Variants in GRIK3 observed in about 807,000 individuals in gnomAD.
The protein encoded by GRIK3 is glutamate receptor ionotropic, kainate 3.
Under a neutral mutation model 102.5 loss-of-function variants are expected in GRIK3, and 29 were observed. The observed-to-expected ratio is 0.28, with a 90% confidence interval of 0.21 to 0.39. The LOEUF is 0.39. GRIK3 is among the 10% of genes least tolerant of loss of function. The probability of loss-of-function intolerance (pLI) is 1.00; values close to 1 mark genes in which losing one functional copy is unlikely to be tolerated. For missense variants in GRIK3, 908 were observed against 1,252.4 expected, an observed-to-expected ratio of 0.73 and a Z score of 4.15; for synonymous variants, 511 against 504.9, an observed-to-expected ratio of 1.01 and a Z score of -0.16.
At chr1:36,995,534 G>A (rs893928457) in intron 1 of GRIK3, among the ~76,000 whole-genome samples, 1 of 152,216 alleles carries the variant, frequency 6.6e-6, no homozygotes, top group Non-Finnish European at 1.5e-5. Context: ...CCTGGGGAAT[G>A]ATGTCTTCCA....
At chr1:36,804,809 G>GA in intron 15 of GRIK3, 178 bp downstream of exon 15, 2 of 783,830 alleles carry the variant, frequency 2.6e-6, no homozygotes, top group South Asian at 1.8e-5. Context: ...AACGGCGATG[G>GA]AAAAAAGTGC....
intron 1 of GRIK3, among the ~76,000 whole-genome samples, chr1:36,988,057 G>A (rs1326706918): frequency 2.0e-5 from 3 of 152,068 alleles, no homozygotes; most frequent in Admixed American, 6.5e-5. Context: ...TTGGGAGGCC[G>A]AGGTGGGTGG....
At chr1:36,957,244 A>G (rs569993634) in intron 1 of GRIK3, among the ~76,000 whole-genome samples, 2 of 152,096 alleles carry the variant, frequency 1.3e-5, no homozygotes, top group Non-Finnish European at 2.9e-5. Flanking sequence ...AGGAGCTTCC[A>G]TGAGCCTCTG....
At chr1:36,904,279 A>T (rs577130996) in intron 1 of GRIK3, among the ~76,000 whole-genome samples, 1 of 152,394 alleles carries the variant, frequency 6.6e-6, no homozygotes, top group South Asian at 2.1e-4. Flanking sequence ...GTGCATCGAC[A>T]TGCCGAGCAC....
At chr1:36,929,621 C>G (rs1641566227) in intron 1 of GRIK3, among the ~76,000 whole-genome samples, 1 of 152,078 alleles carries the variant, frequency 6.6e-6, no homozygotes, top group South Asian at 2.1e-4. Flanking sequence ...TTTTTTTCCT[C>G]AGTGAATATC....
At chr1:36,947,015 C>G (rs1036699863) in intron 1 of GRIK3, among the ~76,000 whole-genome samples, 3 of 151,998 alleles carry the variant, frequency 2.0e-5, no homozygotes, top group South Asian at 2.1e-4. Flanking sequence ...GGATTTGGAC[C>G]GTGGAGTTTC....
intron 1 of GRIK3, among the ~76,000 whole-genome samples, chr1:36,956,546 C>A (rs1641907449): frequency 6.6e-6 from 1 of 152,172 alleles, no homozygotes; most frequent in African/African-American, 2.4e-5. Context: ...AGGGCCATGT[C>A]CACCCCACAC....
chr1:36,987,760 C>T (rs1408378405), intron 1 of GRIK3, among the ~76,000 whole-genome samples: 1 of 152,060 alleles, frequency 6.6e-6, no homozygotes, highest in Non-Finnish European at 1.5e-5. Flanking sequence ...CCGACAATAG[C>T]AGGAAGGTCA....
intron 5 of GRIK3, among the ~76,000 whole-genome samples, chr1:36,866,668 C>T (rs79989897): frequency 0.011 from 1,709 of 152,300 alleles, 36 homozygotes; most frequent in African/African-American, 0.037. Context: ...ACTGTCACCA[C>T]TGTATAGATG....
At chr1:36,816,997 G>T in intron 13 of GRIK3, 63 bp downstream of exon 13, 1 of 1,158,634 alleles carries the variant, frequency 8.6e-7, no homozygotes, top group Non-Finnish European at 1.3e-6. Context: ...TTCCTCTTCT[G>T]CTCAGTAAAG....
At chr1:36,975,528 T>C (rs1018702993) in intron 1 of GRIK3, among the ~76,000 whole-genome samples, 1 of 152,196 alleles carries the variant, frequency 6.6e-6, no homozygotes, top group Non-Finnish European at 1.5e-5. Context: ...TCTCCGGACC[T>C]CGTGATCTCC....
chr1:37,029,185 C>T (rs983336419), intron 1 of GRIK3, among the ~76,000 whole-genome samples: 5 of 152,336 alleles, frequency 3.3e-5, no homozygotes, highest in Admixed American at 6.5e-5. Flanking sequence ...CCAGCCCCAT[C>T]CGCATCAGCT....
chr1:36,913,581 A>ATTTTG lies in GRIK3; in HGVS notation c.116-22490_116-22486dup, dbSNP rs371309331. 1.2e-3 allele frequency among the ~76,000 whole-genome samples: 182 copies of ATTTTG among 152,214 alleles called. 1 individual carries two copies. The highest frequency in any genetic ancestry group is 3.7e-3 in the African/African-American group (154 of 41,532). On this transcript the variant is annotated intron_variant, in intron 1 of 15. Transcript: ENST00000373091. The stretch of plus-strand genomic sequence containing the variant: ...ATTATAGAATCAACTTCCACTCTCA[A>ATTTTG]TTTTGTTTTGTTTTGTTTCTTCTCT...
intron 2 of GRIK3, among the ~76,000 whole-genome samples, chr1:36,884,270 G>T (rs905460819): frequency 2.0e-5 from 3 of 152,204 alleles, no homozygotes; most frequent in African/African-American, 7.2e-5. Context: ...GCAGGTGTGT[G>T]AGACAAACCA....
intron 7 of GRIK3, among the ~76,000 whole-genome samples, chr1:36,854,794 G>A (rs1391027706): frequency 6.6e-6 from 1 of 152,128 alleles, no homozygotes; most frequent in Non-Finnish European, 1.5e-5. Flanking sequence ...CTTTCACACT[G>A]TTCATGCCGT....
At chr1:37,012,830 GC>G (rs1488567688) in intron 1 of GRIK3, among the ~76,000 whole-genome samples, 1 of 152,212 alleles carries the variant, frequency 6.6e-6, no homozygotes. Flanking sequence ...CCTCAGTCCT[GC>G]TCTGCCTACC....
At chr1:37,033,227 C>A (rs909699145) in intron 1 of GRIK3, among the ~76,000 whole-genome samples, 10 of 152,354 alleles carry the variant, frequency 6.6e-5, no homozygotes, top group African/African-American at 2.4e-4. Context: ...GAAAGCCGCG[C>A]GCAGCCCCGC....
At chr1:36,902,675 C>A (rs1641244556) in intron 1 of GRIK3, among the ~76,000 whole-genome samples, 1 of 152,024 alleles carries the variant, frequency 6.6e-6, no homozygotes, top group Admixed American at 6.6e-5. Context: ...AAGGCACGAC[C>A]CATGAAAGAA....
intron 1 of GRIK3, among the ~76,000 whole-genome samples, chr1:36,994,355 C>A (rs1177306914): frequency 6.6e-6 from 1 of 152,224 alleles, no homozygotes; most frequent in Non-Finnish European, 1.5e-5. Flanking sequence ...AACCGTTTAA[C>A]CATTAAATTT....
Sources: gnomAD v4.1 joint callset for allele counts (sites outside exome capture counted in the v4.1 genomes callset) on GRCh38, gnomAD v4.1.1 for gene constraint, MANE v1.5 for transcripts, NCBI Gene and HGNC (gene_info 2026-07-23, HGNC 2026-07-21) for gene names.